Variants in FUT8 observed in about 807,000 individuals in gnomAD.
FUT8 encodes the protein alpha-(1,6)-fucosyltransferase.
Under a neutral mutation model 71.3 loss-of-function variants are expected in FUT8, and 29 were observed. That is an observed-to-expected ratio of 0.41 (90% CI 0.30 to 0.55). FUT8 has a LOEUF of 0.55. Ranked by LOEUF, FUT8 falls within the 20% of genes least tolerant of loss-of-function variation. FUT8 has a pLI of 0.34. For missense variants in FUT8, 544 were observed against 702.1 expected (o/e 0.77, Z 2.55); for synonymous variants, 254 against 239.3 (o/e 1.06, Z -0.57).
chr14:65,520,177 T>C (rs1016175613), intron 2 of FUT8, among the ~76,000 whole-genome samples: 9 of 152,204 alleles, frequency 5.9e-5, no homozygotes, highest in African/African-American at 2.2e-4. Context: ...GGAATATATT[T>C]AATAATAATT....
intron 1 of FUT8, among the ~76,000 whole-genome samples, chr14:65,417,811 ACTT>A (rs2065240153): frequency 6.6e-6 from 1 of 152,178 alleles, no homozygotes; most frequent in African/African-American, 2.4e-5. Context: ...TTATACTATA[ACTT>A]CTTCCTCGAA....
At chr14:65,468,758 C>G (rs2139620141) in intron 2 of FUT8, among the ~76,000 whole-genome samples, 1 of 152,132 alleles carries the variant, frequency 6.6e-6, no homozygotes, top group East Asian at 1.9e-4. Flanking sequence ...TGTACACTCC[C>G]CTTCCTCGCC....
chr14:65,707,954 T>C (rs1166986657), intron 7 of FUT8, among the ~76,000 whole-genome samples: 1 of 152,224 alleles, frequency 6.6e-6, no homozygotes, highest in Non-Finnish European at 1.5e-5. Flanking sequence ...TTTGGGTTTT[T>C]TAGTGAATTC....
chr14:65,426,122 C>T (rs1288751774), intron 1 of FUT8, among the ~76,000 whole-genome samples: 1 of 152,106 alleles, frequency 6.6e-6, no homozygotes, highest in Non-Finnish European at 1.5e-5. Flanking sequence ...TCCTCCTCAC[C>T]CCAGCCCTTG....
upstream of FUT8, among the ~76,000 whole-genome samples, chr14:65,409,473 G>A (rs757901967): frequency 2.6e-5 from 4 of 152,200 alleles, no homozygotes; most frequent in Non-Finnish European, 5.9e-5. The surrounding 1 kb of genome is among the most constrained non-coding windows in gnomAD (Gnocchi z 5.4). Context: ...AGTTTTGCAT[G>A]AGGCCTGGTG....
chr14:65,612,293 A>G (rs1352691511), intron 3 of FUT8, among the ~76,000 whole-genome samples: 1 of 152,174 alleles, frequency 6.6e-6, no homozygotes, highest in Non-Finnish European at 1.5e-5. Context: ...ATAATTGTTA[A>G]GTGGGACCTA....
At chr14:65,735,044 C>G (rs1291496350) in intron 10 of FUT8, among the ~76,000 whole-genome samples, 2 of 152,118 alleles carry the variant, frequency 1.3e-5, no homozygotes, top group Non-Finnish European at 1.5e-5. Context: ...CAGTTCTAGT[C>G]ACAAGATTCT....
rs61987761 is a variant in FUT8, at chr14:65,677,167, C to T, written c.835+7687C>T. 2.0e-4 allele frequency among the ~76,000 whole-genome samples: 20 copies of T among 100,804 alleles called. 1 individual carries two copies. Among genetic ancestry groups the T allele is most frequent in the African/African-American group, 5.7e-4 (12 of 21,072 alleles). 66.1% of individuals were successfully genotyped at this position (100,804 alleles called of 152,430 possible). A position where few individuals can be genotyped will look rare whatever the true frequency, so the allele number is the denominator to read the frequency against. On this transcript the variant is annotated intron_variant, in intron 7 of 10. Coordinates refer to ENST00000673929, the MANE Select transcript of FUT8 (RefSeq NM_001371533.1). ...GTGTGTGTGTGCGCGCGCGCATGCG[C>T]GCGCACGTATGTGTGTGCGCATGTG...
intron 5 of FUT8, among the ~76,000 whole-genome samples, chr14:65,626,740 G>A (rs1037963824): frequency 1.3e-5 from 2 of 152,094 alleles, no homozygotes; most frequent in African/African-American, 4.8e-5. Flanking sequence ...AGTACTCTTG[G>A]AATCTCCAGC....
chr14:65,415,376 T>C (rs2065203826), intron 1 of FUT8, among the ~76,000 whole-genome samples: 1 of 152,206 alleles, frequency 6.6e-6, no homozygotes, highest in Non-Finnish European at 1.5e-5. Context: ...AAAAAAGTCT[T>C]TTCATGCGCT....
intron 3 of FUT8, among the ~76,000 whole-genome samples, chr14:65,580,132 C>T (rs910679989): frequency 2.0e-5 from 3 of 147,872 alleles, no homozygotes; most frequent in East Asian, 2.0e-4. Context: ...CTGAGAAATA[C>T]GTCATTAGGT....
rs1896608822 is a variant in FUT8, at chr14:65,743,656, G to T, written c.*1246G>T. ...TATGTCTCATAGTGTGCAGAACTTG[G>T]TGACCAAGTGAGAAGCGGGACCAAT... On this transcript the variant is annotated 3_prime_UTR_variant, in exon 11 of 11. Transcript: ENST00000673929. 1 of 151,830 alleles carries T rather than the reference G, an allele frequency of 6.6e-6. No homozygotes were observed. The highest frequency in any genetic ancestry group is 2.1e-4 in the South Asian group (1 of 4,828). 9.4% of individuals were successfully genotyped at this position (151,830 alleles called of 1,614,324 possible). A position where few individuals can be genotyped will look rare whatever the true frequency, so the allele number is the denominator to read the frequency against.
chr14:65,624,530 C>T (rs1429474220), intron 5 of FUT8, among the ~76,000 whole-genome samples: 2 of 152,190 alleles, frequency 1.3e-5, no homozygotes, highest in East Asian at 3.8e-4. Context: ...TATTTCAAGG[C>T]ACTCTTCTCT....
upstream of FUT8, among the ~76,000 whole-genome samples, chr14:65,408,006 C>T (rs775388697): frequency 6.6e-6 from 1 of 152,114 alleles, no homozygotes; most frequent in Non-Finnish European, 1.5e-5. Context: ...TAATGGTTTT[C>T]AAGTGTATCA....
chr14:65,446,486 G>T (rs1436007137), intron 1 of FUT8, among the ~76,000 whole-genome samples: 1 of 152,106 alleles, frequency 6.6e-6, no homozygotes, highest in Non-Finnish European at 1.5e-5. Context: ...TAGTGATAGT[G>T]ATATTCTAAA....
intron 2 of FUT8, among the ~76,000 whole-genome samples, chr14:65,507,933 G>C (rs553505095): frequency 3.9e-5 from 6 of 152,052 alleles, no homozygotes; most frequent in African/African-American, 1.4e-4. Context: ...GTGTATGAGG[G>C]TTCTCTTTTT....
chr14:65,512,993 T>G (rs967229814), intron 2 of FUT8, among the ~76,000 whole-genome samples: 7 of 152,086 alleles, frequency 4.6e-5, no homozygotes, highest in Non-Finnish European at 1.0e-4. Context: ...TTTCTTTCCT[T>G]TAGAGCTAGG....
At chr14:65,694,588 A>G (rs1020735092) in intron 7 of FUT8, among the ~76,000 whole-genome samples, 2 of 152,152 alleles carry the variant, frequency 1.3e-5, no homozygotes, top group Non-Finnish European at 2.9e-5. Flanking sequence ...AAAGACACAT[A>G]CACTTGTATG....
intron 6 of FUT8, among the ~76,000 whole-genome samples, chr14:65,665,291 T>G (rs1892156654): frequency 6.6e-6 from 1 of 152,212 alleles, no homozygotes; most frequent in African/African-American, 2.4e-5. Context: ...AATTTGAGTT[T>G]CATCATAGAA....
Sources: allele counts gnomAD v4.1 joint callset (sites outside exome capture counted in the v4.1 genomes callset), GRCh38; gene constraint gnomAD v4.1.1; non-coding constraint Gnocchi (gnomAD v3.1); transcripts MANE v1.5; gene names NCBI Gene and HGNC (gene_info 2026-07-23, HGNC 2026-07-21).